Variants in SAMD4A observed in about 807,000 individuals in gnomAD.
SAMD4A encodes sterile alpha motif domain containing 4A, also known as protein Smaug homolog 1.
Under a neutral mutation model 81.3 loss-of-function variants are expected in SAMD4A, and 33 were observed. The observed-to-expected ratio is 0.41, with a 90% confidence interval of 0.31 to 0.54. The LOEUF (loss-of-function observed/expected upper bound fraction) is 0.54, where lower values mean the gene tolerates loss of function less well. SAMD4A is among the 20% of genes least tolerant of loss of function. The pLI is 0.37. For missense variants in SAMD4A, 854 were observed against 951.1 expected, an observed-to-expected ratio of 0.90 and a Z score of 1.34; for synonymous variants, 389 against 382.1, an observed-to-expected ratio of 1.02 and a Z score of -0.21.
Position 54,661,137 on chromosome 14 carries a change from A to T in SAMD4A, c.197-40925A>T, listed in dbSNP as rs1254502687. ...TCAATTTCCTTATCTGTCAAGCAAG[A>T]TCATAAAGTAGCTTTAAGAATTTTA... On this transcript the variant is annotated intron_variant, in intron 2 of 12. Transcript: ENST00000554335. 2.6e-5 allele frequency among the ~76,000 whole-genome samples: 4 copies of T among 152,354 alleles called. No individual in the cohort carries two copies. In the East Asian group the frequency reaches 7.7e-4, roughly 29 times the overall value.
chr14:54,737,086 A>G lies in SAMD4A; in HGVS notation c.778A>G (p.Asn260Asp). The change falls in exon 4 of 13, where the codon AAT (asparagine) becomes GAT (aspartate). Residue 260 changes from asparagine (N) to aspartate (D), a missense_variant. By Grantham distance (23) the Asn-to-Asp change is conservative. This residue lies in a region of SAMD4A where 387 missense variants were observed against 405.8 expected (regional missense o/e 0.95). Coordinates refer to ENST00000554335, the MANE Select transcript of SAMD4A (RefSeq NM_015589.6). ...KRSVSLTPPMNVPNQPLGHGW... is the reference protein window; with the variant it reads ...KRSVSLTPPMDVPNQPLGHGW... ...ATCTGTGTCCCTTACCCCACCCATG[A>G]ATGTGCCAAACCAGCCTCTAGGACA... 6.2e-7 allele frequency: 1 copy of G among 1,614,008 alleles called. No individual in the cohort carries two copies. The highest frequency in any genetic ancestry group is 8.5e-7 in the Non-Finnish European group (1 of 1,179,978).
chr14:54,613,005 TACTCGGGAGGCTGAGGCA>T (rs1402773323), intron 2 of SAMD4A, among the ~76,000 whole-genome samples: 7 of 152,042 alleles, frequency 4.6e-5, no homozygotes, highest in African/African-American at 1.7e-4. Flanking sequence ...TAGTCCCAGC[TACTCGGGAGGCTGAGGCA>T]GGAGAATGGC....
At chr14:54,697,841 G>A (rs1379000728) in intron 2 of SAMD4A, among the ~76,000 whole-genome samples, 2 of 152,162 alleles carry the variant, frequency 1.3e-5, no homozygotes, top group Non-Finnish European at 2.9e-5. Flanking sequence ...CTTCCAAGAT[G>A]GTTCCCTCAT....
chr14:54,729,750 G>T (rs944786861), intron 3 of SAMD4A, among the ~76,000 whole-genome samples: 3 of 152,218 alleles, frequency 2.0e-5, no homozygotes, highest in African/African-American at 7.2e-5. Flanking sequence ...TGCTTCAAAG[G>T]TGGAAAATTG....
intron 6 of SAMD4A, 97 bp from the exon 7 acceptor site, chr14:54,760,064 G>A (rs539620471): frequency 7.7e-6 from 10 of 1,290,928 alleles, no homozygotes; most frequent in South Asian, 4.1e-5. Context: ...CAGCAGCCAC[G>A]AATCCTGTAA....
At chr14:54,669,445 CT>C (rs11406251) in intron 2 of SAMD4A, among the ~76,000 whole-genome samples, 19 of 103,302 alleles carry the variant, frequency 1.8e-4, no homozygotes, top group African/African-American at 5.7e-4. Context: ...ACGCTTCTTT[CT>C]TTTTTTTTTT....
At chr14:54,775,258 C>T (rs2139936186) in intron 10 of SAMD4A, 123 bp downstream of exon 10, 2 of 1,011,568 alleles carry the variant, frequency 2.0e-6, no homozygotes, top group East Asian at 2.5e-5. Context: ...GGGCAGTTGC[C>T]ACCATTCCTC....
chr14:54,658,363 C>T (rs1280401237), intron 2 of SAMD4A, among the ~76,000 whole-genome samples: 2 of 152,080 alleles, frequency 1.3e-5, no homozygotes, highest in Non-Finnish European at 2.9e-5. Context: ...TTGTGTAAGG[C>T]CAAGGTATCA....
At chr14:54,609,031 C>A (rs2034289765) in intron 2 of SAMD4A, among the ~76,000 whole-genome samples, 1 of 152,232 alleles carries the variant, frequency 6.6e-6, no homozygotes, top group African/African-American at 2.4e-5. Context: ...TGGTAACTAA[C>A]AGCCTCTCAG....
intron 4 of SAMD4A, among the ~76,000 whole-genome samples, chr14:54,748,383 C>T (rs150919435): frequency 2.0e-5 from 3 of 152,328 alleles, no homozygotes; most frequent in East Asian, 3.9e-4. Context: ...CTCTAACATT[C>T]GAAGCCAGCT....
chr14:54,638,101 G>C (rs1410048303), intron 2 of SAMD4A, among the ~76,000 whole-genome samples: 1 of 152,094 alleles, frequency 6.6e-6, no homozygotes. Context: ...GGCTATTTTT[G>C]CTACAAGGAG....
chr14:54,688,757 A>T (rs988779461), intron 2 of SAMD4A, among the ~76,000 whole-genome samples: 5 of 152,126 alleles, frequency 3.3e-5, no homozygotes, highest in African/African-American at 1.2e-4. Flanking sequence ...GTAAGAAATC[A>T]TGGTTCCCAC....
intron 11 of SAMD4A, among the ~76,000 whole-genome samples, chr14:54,782,129 C>A (rs2039013451): frequency 6.6e-6 from 1 of 152,164 alleles, no homozygotes; most frequent in African/African-American, 2.4e-5. Context: ...TTCTCAGCCC[C>A]CTTTTTGGAA....
At chr14:54,682,706 C>T (rs1308789618) in intron 2 of SAMD4A, among the ~76,000 whole-genome samples, 1 of 152,148 alleles carries the variant, frequency 6.6e-6, no homozygotes, top group Non-Finnish European at 1.5e-5. Context: ...GTCCTCAAAA[C>T]AGTAAAAAGA....
At chr14:54,786,501 G>A (rs1006444513) in intron 12 of SAMD4A, among the ~76,000 whole-genome samples, 4 of 152,242 alleles carry the variant, frequency 2.6e-5, no homozygotes, top group Admixed American at 6.5e-5. Context: ...CCAGAGTTAG[G>A]ATAGCAGCTG....
At chr14:54,641,970 G>A (rs761366685) in intron 2 of SAMD4A, among the ~76,000 whole-genome samples, 17 of 152,050 alleles carry the variant, frequency 1.1e-4, no homozygotes, top group Non-Finnish European at 2.2e-4. Flanking sequence ...GCTAATTTTT[G>A]TATTTTTAGT....
At chr14:54,688,180 AT>A in intron 2 of SAMD4A, 1 of 985,426 alleles carries the variant, frequency 1.0e-6, no homozygotes, top group South Asian at 4.7e-5. Flanking sequence ...TCAGCAAAAT[AT>A]TATGGTCCTC....
Position 54,784,334 on chromosome 14 carries a change from T to C in SAMD4A, c.2045-203T>C, listed in dbSNP as rs746221679. ...CCAGCTATTTTTAGTCTCCGTTTTG[T>C]TCCAGGTTCCCAAGTTCACAGTGGA... On this transcript the variant is annotated intron_variant, in intron 11 of 12. Coordinates refer to ENST00000554335, the MANE Select transcript of SAMD4A (RefSeq NM_015589.6). 4 of 1,551,448 alleles carry C rather than the reference T, an allele frequency of 2.6e-6. No homozygotes were observed. The South Asian group carries it at 4.7e-5, about 18-fold the overall frequency.
chr14:54,572,896 G>C (rs2033172839), intron 2 of SAMD4A, among the ~76,000 whole-genome samples: 1 of 152,186 alleles, frequency 6.6e-6, no homozygotes, highest in African/African-American at 2.4e-5. Flanking sequence ...TTATGAAGAA[G>C]AGATTGAGGA....
Sources: allele counts gnomAD v4.1 joint callset (sites outside exome capture counted in the v4.1 genomes callset), GRCh38; gene constraint gnomAD v4.1.1; regional missense constraint gnomAD v4.1.1; transcripts MANE v1.5; gene names NCBI Gene and HGNC (gene_info 2026-07-23, HGNC 2026-07-21).